Variants in ADAM32 observed in about 807,000 individuals in gnomAD.
ADAM32 encodes the protein ADAM metallopeptidase domain 32, also known as disintegrin and metalloproteinase domain-containing protein 32.
In ADAM32, 89 loss-of-function variants were observed where a neutral mutation model predicts 114.9. That is an observed-to-expected ratio of 0.77 (90% confidence interval 0.65 to 0.92). The LOEUF is 0.92. ADAM32 is among the 40% of genes least tolerant of loss of function. The probability of loss-of-function intolerance (pLI) is 0.00; values close to 1 mark genes in which losing one functional copy is unlikely to be tolerated. For missense variants in ADAM32, 870 were observed against 932.8 expected (o/e 0.93, Z 0.88); for synonymous variants, 285 against 307.5 (o/e 0.93, Z 0.77).
chr8:39,202,337 C>T (rs1161418637), intron 11 of ADAM32, among the ~76,000 whole-genome samples: 4 of 152,152 alleles, frequency 2.6e-5, no homozygotes, highest in Non-Finnish European at 1.5e-5. Flanking sequence ...GATTCAACTT[C>T]TTCCTGGCTT....
chr8:39,247,724 T>C (rs1811018508), intron 17 of ADAM32, among the ~76,000 whole-genome samples: 1 of 151,940 alleles, frequency 6.6e-6, no homozygotes. Flanking sequence ...CTTTCATAGA[T>C]TGTGCCTTCA....
At chr8:39,274,186 T>C in intron 20 of ADAM32, 126 bp from the exon 21 acceptor site, 1 of 897,440 alleles carries the variant, frequency 1.1e-6, no homozygotes, top group Admixed American at 2.3e-5. Flanking sequence ...TTGGACATCA[T>C]TTTATTTATT....
In ADAM32 at chr8:39,191,271, T is replaced by C. The variant is rs10102795; in HGVS notation, c.1052+4226T>C. ...TATATTCCTTTGGGTATATATCCAG[T>C]AGTCACATTGCTGGGTTGAATGGTC... On this transcript the variant is annotated intron_variant, in intron 11 of 24. Transcript: ENST00000379907. Among the ~76,000 whole-genome samples, 981 of 152,338 alleles carry C rather than the reference T, an allele frequency of 6.4e-3. 6 individuals carry two copies. Among genetic ancestry groups the C allele is most frequent in the African/African-American group, 0.022 (915 of 41,568 alleles).
chr8:39,196,494 C>T (rs1040520382), intron 11 of ADAM32, among the ~76,000 whole-genome samples: 1 of 151,972 alleles, frequency 6.6e-6, no homozygotes, highest in South Asian at 2.1e-4. Flanking sequence ...CCCTATTATG[C>T]TGAGGTACAT....
chr8:39,221,754 G>A, intron 13 of ADAM32, 52 bp downstream of exon 13: 1 of 1,394,064 alleles, frequency 7.2e-7, no homozygotes, highest in Non-Finnish European at 1.0e-6. Context: ...ATCATGTGCA[G>A]GGTACTTTAC....
intron 11 of ADAM32, among the ~76,000 whole-genome samples, chr8:39,207,876 C>A (rs769252086): frequency 1.3e-3 from 194 of 152,260 alleles, no homozygotes; most frequent in Admixed American, 3.6e-3. Context: ...CCTCCTGCTC[C>A]ATTTATATTG....
chr8:39,180,117 A>C (rs556895915), intron 10 of ADAM32, among the ~76,000 whole-genome samples: 58 of 152,158 alleles, frequency 3.8e-4, no homozygotes, highest in African/African-American at 1.3e-3. Flanking sequence ...GTGTGGAGGG[A>C]GAGGCGCGAG....
At chr8:39,189,378 T>C (rs1251711644) in intron 11 of ADAM32, among the ~76,000 whole-genome samples, 1 of 152,200 alleles carries the variant, frequency 6.6e-6, no homozygotes, top group Non-Finnish European at 1.5e-5. Flanking sequence ...AATATTCATA[T>C]GTATTTGTTC....
chr8:39,172,885 G>A (rs1458631308), intron 10 of ADAM32, among the ~76,000 whole-genome samples: 1 of 152,202 alleles, frequency 6.6e-6, no homozygotes, highest in Non-Finnish European at 1.5e-5. Flanking sequence ...GCTAAATGGT[G>A]TTTCTGCCTC....
intron 14 of ADAM32, chr8:39,224,094 T>C (rs1023258967): frequency 1.3e-5 from 2 of 152,194 alleles, no homozygotes; most frequent in African/African-American, 4.8e-5. Flanking sequence ...TTACCTAAGC[T>C]AAAAGTGAAC....
chr8:39,222,695 T>C (rs1051923581), intron 13 of ADAM32, among the ~76,000 whole-genome samples: 2 of 152,120 alleles, frequency 1.3e-5, no homozygotes, highest in Non-Finnish European at 2.9e-5. Flanking sequence ...GTATATTTCA[T>C]TTAGAAATGG....
intron 11 of ADAM32, among the ~76,000 whole-genome samples, chr8:39,188,579 C>T (rs1806401426): frequency 6.6e-6 from 1 of 152,084 alleles, no homozygotes; most frequent in Non-Finnish European, 1.5e-5. Context: ...AGAGACCATT[C>T]CAAGCACTTT....
intron 19 of ADAM32, among the ~76,000 whole-genome samples, chr8:39,259,766 ATAATT>A (rs1055719143): frequency 7.9e-5 from 12 of 152,226 alleles, no homozygotes; most frequent in African/African-American, 2.9e-4. Flanking sequence ...TTGTTTTGAA[ATAATT>A]TAAAGACAAA....
chr8:39,255,498 CAT>C (rs1811600493), intron 18 of ADAM32, among the ~76,000 whole-genome samples: 1 of 151,966 alleles, frequency 6.6e-6, no homozygotes, highest in African/African-American at 2.4e-5. Flanking sequence ...AGCATTTTTT[CAT>C]ATGTTTGTTG....
At chr8:39,185,178 T>A (rs1806141977) in intron 10 of ADAM32, among the ~76,000 whole-genome samples, 2 of 151,054 alleles carry the variant, frequency 1.3e-5, no homozygotes, top group African/African-American at 4.9e-5. Context: ...GGCAGGAGAA[T>A]CACTTGAACC....
Position 39,275,892 on chromosome 8 carries a change from T to G in ADAM32, c.2279+26T>G, listed in dbSNP as rs951512557. The G allele has an allele frequency of 2.6e-6, 4 of 1,531,522 alleles. No individual in the cohort carries two copies. The African/African-American group carries it at 5.6e-5, about 21-fold the overall frequency. The allele number at this position is 1,531,522 out of a possible 1,614,324, so 94.9% of individuals were successfully genotyped here. Reference sequence around the variant, plus strand: ...GTAAGTGAATTAGGGGGCATTTTTTTTATATAATAAGTATATGTTAAAAAT... The same window carrying G: ...GTAAGTGAATTAGGGGGCATTTTTTGTATATAATAAGTATATGTTAAAAAT... On this transcript the variant is annotated intron_variant, in intron 22 of 24. Coordinates refer to ENST00000379907, the MANE Select transcript of ADAM32 (RefSeq NM_145004.7).
At chr8:39,226,836 A>G (rs572810431) in intron 14 of ADAM32, among the ~76,000 whole-genome samples, 1 of 152,364 alleles carries the variant, frequency 6.6e-6, no homozygotes, top group South Asian at 2.1e-4. Flanking sequence ...TATAACGTTC[A>G]CTGGTAAAAG....
At chr8:39,164,937 C>A (rs1330326065) in intron 8 of ADAM32, 93 bp from the exon 9 acceptor site, 28 of 1,486,046 alleles carry the variant, frequency 1.9e-5, no homozygotes, top group Non-Finnish European at 2.6e-5. Flanking sequence ...CCCATATAAA[C>A]TGAGTGTGGG....
intron 19 of ADAM32, among the ~76,000 whole-genome samples, chr8:39,261,904 T>A (rs1812054601): frequency 6.6e-6 from 1 of 152,220 alleles, no homozygotes; most frequent in Non-Finnish European, 1.5e-5. Context: ...AATTGTTTGC[T>A]TTTTTCCTGT....
Sources: allele counts gnomAD v4.1 joint callset (sites outside exome capture counted in the v4.1 genomes callset), GRCh38; gene constraint gnomAD v4.1.1; transcripts MANE v1.5; gene names NCBI Gene and HGNC (gene_info 2026-07-23, HGNC 2026-07-21).